ERCC6: variants seen among roughly 807,000 people sequenced by gnomAD.
ERCC6 encodes the protein ERCC excision repair 6, chromatin remodeling factor.
In ERCC6, 116 loss-of-function variants were observed where a neutral mutation model predicts 158.7. The ratio of observed to expected loss-of-function variants is 0.73; its 90% CI spans 0.63 to 0.85. The LOEUF is 0.85. Among genes scored for constraint, ERCC6 ranks in the 40% least tolerant of loss-of-function variants. The pLI is 0.00. For synonymous variants in ERCC6, 678 were observed against 659.3 expected, an observed-to-expected ratio of 1.03 and a Z score of -0.43; for missense variants, 1,698 against 1,799.4, an observed-to-expected ratio of 0.94 and a Z score of 1.02.
At chr10:49,451,908 T>C (rs1850424386), downstream of ERCC6, among the ~76,000 whole-genome samples, 1 of 152,198 alleles carries the variant, frequency 6.6e-6, no homozygotes, top group Non-Finnish European at 1.5e-5. Context: ...GTTTAATCTG[T>C]TCACTAGTTA....
intron 3 of ERCC6, 41 bp from the exon 4 acceptor site, chr10:49,528,566 T>A: frequency 6.2e-7 from 1 of 1,606,212 alleles, no homozygotes; most frequent in Non-Finnish European, 8.5e-7. Flanking sequence ...AGCAATGAAG[T>A]GATTTATTGT....
intron 18 of ERCC6, among the ~76,000 whole-genome samples, chr10:49,466,107 T>C (rs564943064): frequency 3.3e-5 from 5 of 152,300 alleles, no homozygotes; most frequent in Non-Finnish European, 7.4e-5. Context: ...TTAACCTAAC[T>C]GTATTTTAAA....
intron 12 of ERCC6, 109 bp from the exon 13 acceptor site, chr10:49,474,351 C>T (rs1221684716): frequency 1.5e-5 from 12 of 813,928 alleles, no homozygotes; most frequent in Non-Finnish European, 2.5e-5. Flanking sequence ...CAGTTCTCCA[C>T]CAGCTTCTTA....
At position 49,470,759 on chromosome 10, in the gene ERCC6, T is replaced by G. The variant is rs940129413; in HGVS notation, c.3201A>C (p.Thr1067=). Residue 1067 remains threonine (T), a synonymous_variant, in exon 18 of 21, where the codon ACA becomes ACC. Coordinates refer to ENST00000355832, the MANE Select transcript of ERCC6 (RefSeq NM_000124.4). ...PASNISVNDA[T]SSEEKSEAKG... is the part of the protein sequence containing the mutation. Reference sequence around the variant, plus strand: ...TAGCCTCAGATTTCTCTTCAGATGATGTGGCATCATTTACAGATATGTTAG... The same window carrying G: ...TAGCCTCAGATTTCTCTTCAGATGAGGTGGCATCATTTACAGATATGTTAG... 24 of 1,614,188 alleles carry G rather than the reference T, an allele frequency of 1.5e-5. No homozygotes were observed. The highest frequency in any genetic ancestry group is 2.0e-5 in the Non-Finnish European group (24 of 1,180,038).
chr10:49,525,966 T>C (rs1168200526), intron 4 of ERCC6, among the ~76,000 whole-genome samples: 2 of 151,796 alleles, frequency 1.3e-5, no homozygotes, highest in Non-Finnish European at 2.9e-5. Context: ...ATCCTTACTG[T>C]TGAATGTAGC....
At position 49,470,908 on chromosome 10, in the gene ERCC6, C is replaced by A. The variant is rs767069804; in HGVS notation, c.3071-19G>T. 43 of 1,613,438 alleles carry A rather than the reference C, an allele frequency of 2.7e-5. No individual in the cohort carries two copies. The highest frequency in any genetic ancestry group is 3.6e-5 in the Non-Finnish European group (42 of 1,179,670). The stretch of plus-strand genomic sequence containing the variant: ...CCAGTTCCTGTAAAGAGGAAAAACA[C>A]CACTAATACTATATTGTATCATCTT... On this transcript the variant is annotated intron_variant, in intron 17 of 20. Transcript: ENST00000355832.
intron 8 of ERCC6, among the ~76,000 whole-genome samples, chr10:49,492,871 G>A (rs1344158923): frequency 3.3e-5 from 5 of 152,102 alleles, no homozygotes; most frequent in Non-Finnish European, 5.9e-5. Context: ...GAGATGATTC[G>A]TATTTTACTG....
At chr10:49,435,282 C>T in the ERCC6 span, among the ~76,000 whole-genome samples, 3 of 152,150 alleles carry the variant, frequency 2.0e-5, no homozygotes, top group Non-Finnish European at 4.4e-5. Flanking sequence ...CACATACCTT[C>T]GTTCAGTAAT....
chr10:49,462,697 A>C (rs953433552), intron 18 of ERCC6, among the ~76,000 whole-genome samples: 1 of 152,150 alleles, frequency 6.6e-6, no homozygotes. Context: ...AGAAAGAAAA[A>C]TTTTTTAAAT....
intron 2 of ERCC6, 70 bp from the exon 3 acceptor site, chr10:49,530,910 A>C: frequency 6.3e-7 from 1 of 1,585,282 alleles, no homozygotes; most frequent in Non-Finnish European, 8.6e-7. Flanking sequence ...AAAGAGAAAA[A>C]TGCTAAAAAC....
chr10:49,442,188 C>A, the ERCC6 span, among the ~76,000 whole-genome samples: 1 of 152,250 alleles, frequency 6.6e-6, no homozygotes, highest in African/African-American at 2.4e-5. Flanking sequence ...TAACTTGTAT[C>A]ACTGTCCTCC....
At chr10:49,443,613 A>G in the ERCC6 span, among the ~76,000 whole-genome samples, 1 of 152,252 alleles carries the variant, frequency 6.6e-6, no homozygotes, top group South Asian at 2.1e-4. Context: ...TGACAAACCC[A>G]GAGCAACTTC....
intron 5 of ERCC6, among the ~76,000 whole-genome samples, chr10:49,518,140 AG>A (rs1837041061): frequency 6.6e-6 from 1 of 152,230 alleles, no homozygotes; most frequent in East Asian, 1.9e-4. Context: ...GCTAGACAGA[AG>A]GGAGAAGTTC....
the ERCC6 span, among the ~76,000 whole-genome samples, chr10:49,441,698 C>T: frequency 6.6e-6 from 1 of 152,220 alleles, no homozygotes; most frequent in South Asian, 2.1e-4. Flanking sequence ...AGAGAGTTCG[C>T]AGCCAGGGAG....
At chr10:49,519,111 C>T (rs917318562) in intron 5 of ERCC6, among the ~76,000 whole-genome samples, 9 of 152,220 alleles carry the variant, frequency 5.9e-5, no homozygotes, top group African/African-American at 2.2e-4. Context: ...TCCCAGATTA[C>T]AGGCTTAGGT....
At chr10:49,509,738 CTGT>C (rs983726433) in intron 5 of ERCC6, among the ~76,000 whole-genome samples, 5 of 152,092 alleles carry the variant, frequency 3.3e-5, no homozygotes, top group Non-Finnish European at 7.4e-5. Flanking sequence ...TGTCTAAATT[CTGT>C]TATTTCAAAA....
chr10:49,466,763 T>C (rs1193967647), intron 18 of ERCC6, among the ~76,000 whole-genome samples: 2 of 152,210 alleles, frequency 1.3e-5, no homozygotes, highest in Non-Finnish European at 2.9e-5. Context: ...CATGTATCAA[T>C]ACTCTACTTC....
intron 18 of ERCC6, among the ~76,000 whole-genome samples, chr10:49,466,543 G>A (rs995401184): frequency 6.6e-6 from 1 of 152,152 alleles, no homozygotes; most frequent in Non-Finnish European, 1.5e-5. Context: ...GTGACATTAT[G>A]TACATACCAT....
chr10:49,434,934 T>TTGTATACTGATGAAAATTATC, the ERCC6 span, among the ~76,000 whole-genome samples: 3 of 152,368 alleles, frequency 2.0e-5, no homozygotes, highest in East Asian at 1.9e-4. Context: ...TTGACTATGT[T>TTGTATACTGATGAAAATTATC]TGTATACTGA....
Sources: allele counts gnomAD v4.1 joint callset (sites outside exome capture counted in the v4.1 genomes callset), GRCh38; gene constraint gnomAD v4.1.1; transcripts MANE v1.5; gene names NCBI Gene and HGNC (gene_info 2026-07-23, HGNC 2026-07-21).